The following NBAS variants were observed in gnomAD, a reference collection of about 807,000 sequenced individuals.
NBAS encodes the protein NBAS subunit of NRZ tethering complex, also known as NAG/BC035112 fusion.
In NBAS, 219 loss-of-function variants were observed where a neutral mutation model predicts 302.5. The ratio of observed to expected loss-of-function variants is 0.72; its 90% CI spans 0.65 to 0.81. The LOEUF (loss-of-function observed/expected upper bound fraction) is 0.81. Ranked by LOEUF, NBAS falls within the 30% of genes least tolerant of loss-of-function variation. The pLI is 0.00. For missense variants in NBAS, 2,932 were observed against 2,841.6 expected, an observed-to-expected ratio of 1.03 and a Z score of -0.72; for synonymous variants, 1,118 against 1,021.6, an observed-to-expected ratio of 1.09 and a Z score of -1.80.
chr2:15,238,487 G>A lies in NBAS; in HGVS notation c.5924C>T (p.Ser1975Phe). Reference sequence around the variant, plus strand: ...CTTTACCTGCTCACTATTCTTCAGAGAAAGGATGAAGCTGTGGCTCAGGGT... The same window carrying A: ...CTTTACCTGCTCACTATTCTTCAGAAAAAGGATGAAGCTGTGGCTCAGGGT... ...LETLSHSFILSLKNSEQETLQ... is the reference protein window; with the variant it reads ...LETLSHSFILFLKNSEQETLQ... The change falls in exon 45 of 52, where the codon TCT (serine) becomes TTT (phenylalanine). Residue 1975 changes from serine (S) to phenylalanine (F), a missense_variant. Transcript: ENST00000281513. 3 of 1,614,176 alleles carry A rather than the reference G, an allele frequency of 1.9e-6. No homozygotes were observed. The highest frequency in any genetic ancestry group is 1.7e-5 in the Admixed American group (1 of 60,026).
At chr2:15,364,150 C>G (rs917831101) in intron 32 of NBAS, among the ~76,000 whole-genome samples, 9 of 152,186 alleles carry the variant, frequency 5.9e-5, no homozygotes, top group Non-Finnish European at 1.3e-4. Flanking sequence ...TAAATATTCC[C>G]CTTGAAGTTG....
chr2:14,848,547 A>T, the NBAS span, among the ~76,000 whole-genome samples: 1 of 141,278 alleles, frequency 7.1e-6, no homozygotes, highest in Non-Finnish European at 1.5e-5. Context: ...CAAAGCGGCC[A>T]GGAAGCTTGA....
chr2:15,335,174 TAA>T lies in NBAS; in HGVS notation c.4180-4411_4180-4410del, dbSNP rs34790746. On this transcript the variant is annotated intron_variant, in intron 35 of 51. Coordinates refer to ENST00000281513, the MANE Select transcript of NBAS (RefSeq NM_015909.4). ...CAATGCAATGGGACCTCATCTCTCTTAAAAAAAAAAAAAAAAAAAAAAAATTG... is the reference window on the plus strand; with the variant it reads ...CAATGCAATGGGACCTCATCTCTCTTAAAAAAAAAAAAAAAAAAAAAATTG... Among the ~76,000 whole-genome samples, 296 of 117,240 alleles carry T rather than the reference TAA, an allele frequency of 2.5e-3. 1 individual carries two copies. The highest frequency in any genetic ancestry group is 5.4e-3 in the African/African-American group (162 of 30,032). 76.9% of individuals were successfully genotyped at this position (117,240 alleles called of 152,430 possible).
Position 15,253,797 on chromosome 2 carries a change from C to T in NBAS, c.5725-15111G>A, listed in dbSNP as rs532450104. 2.6e-5 allele frequency among the ~76,000 whole-genome samples: 4 copies of T among 152,290 alleles called. No homozygotes were observed. The South Asian group carries it at 8.3e-4, about 32-fold the overall frequency. ...GACAATTCAGAATGCTGGTGTATAA[C>T]AGACTCCAATGGAGACCACCTTTGC... On this transcript the variant is annotated intron_variant, in intron 44 of 51. Coordinates refer to ENST00000281513, the MANE Select transcript of NBAS (RefSeq NM_015909.4).
chr2:15,100,769 G>A, the NBAS span, among the ~76,000 whole-genome samples: 111 of 152,122 alleles, frequency 7.3e-4, no homozygotes, highest in African/African-American at 2.6e-3. Context: ...TTCATGTATC[G>A]AAGAGCATTT....
intron 38 of NBAS, among the ~76,000 whole-genome samples, chr2:15,317,680 GA>G (rs1446157189): frequency 6.6e-6 from 1 of 152,112 alleles, no homozygotes; most frequent in African/African-American, 2.4e-5. Flanking sequence ...AATAAAGCAA[GA>G]AGACAAGGTT....
At chr2:15,013,278 T>C in the NBAS span, among the ~76,000 whole-genome samples, 1 of 152,154 alleles carries the variant, frequency 6.6e-6, no homozygotes, top group African/African-American at 2.4e-5. Context: ...TAAAACTCAC[T>C]GGTTTGTCCA....
the NBAS span, among the ~76,000 whole-genome samples, chr2:14,795,230 G>A: frequency 0.39 from 60,029 of 152,036 alleles, 12,327 homozygotes; most frequent in African/African-American, 0.5. Flanking sequence ...AGCAGTGTAA[G>A]ATAGTTACAG....
intron 44 of NBAS, 118 bp from the exon 45 acceptor site, chr2:15,238,804 A>G: frequency 1.2e-6 from 1 of 861,688 alleles, no homozygotes; most frequent in Non-Finnish European, 1.7e-6. Context: ...TTAACCAATA[A>G]ATAGCACTTG....
At chr2:14,844,702 G>A in the NBAS span, among the ~76,000 whole-genome samples, 1 of 152,148 alleles carries the variant, frequency 6.6e-6, no homozygotes, top group Non-Finnish European at 1.5e-5. Flanking sequence ...AGACCAGGCA[G>A]CATTCACTAC....
At chr2:15,002,502 G>A in the NBAS span, among the ~76,000 whole-genome samples, 25 of 152,212 alleles carry the variant, frequency 1.6e-4, no homozygotes, top group Non-Finnish European at 3.4e-4. Context: ...GACTGCAGGT[G>A]GAGCTGCCTG....
intron 8 of NBAS, among the ~76,000 whole-genome samples, chr2:15,535,941 G>C (rs1050363480): frequency 4.6e-5 from 7 of 152,200 alleles, no homozygotes; most frequent in Non-Finnish European, 1.0e-4. Context: ...CTCGGAAGGG[G>C]CATGAGGGAA....
chr2:14,797,215 C>T, the NBAS span, among the ~76,000 whole-genome samples: 8 of 152,158 alleles, frequency 5.3e-5, no homozygotes, highest in Non-Finnish European at 4.4e-5. Flanking sequence ...GACCCCTCTC[C>T]GCTGAGAGAT....
At chr2:15,358,186 C>A (rs996848850) in intron 32 of NBAS, among the ~76,000 whole-genome samples, 1 of 152,078 alleles carries the variant, frequency 6.6e-6, no homozygotes, top group Non-Finnish European at 1.5e-5. Flanking sequence ...CACTCACCTG[C>A]GCTGCCCAGC....
the NBAS span, among the ~76,000 whole-genome samples, chr2:15,049,796 C>T: frequency 6.6e-6 from 1 of 152,172 alleles, no homozygotes; most frequent in South Asian, 2.1e-4. Context: ...AGCCACTGAG[C>T]CAGGGGAGCT....
At chr2:15,288,352 G>A (rs140779920) in intron 41 of NBAS, among the ~76,000 whole-genome samples, 598 of 152,270 alleles carry the variant, frequency 3.9e-3, no homozygotes, top group Middle Eastern at 0.014. Flanking sequence ...GAAGCTCCAC[G>A]AGAATGGAAA....
At chr2:15,126,284 G>A in the NBAS span, among the ~76,000 whole-genome samples, 1 of 152,162 alleles carries the variant, frequency 6.6e-6, no homozygotes, top group African/African-American at 2.4e-5. Context: ...CAAAGCAGTT[G>A]CCAGCACCAT....
the NBAS span, among the ~76,000 whole-genome samples, chr2:15,143,291 A>C: frequency 5.1e-3 from 779 of 152,314 alleles, 6 homozygotes; most frequent in African/African-American, 0.017. Context: ...GTGGTCCTGC[A>C]GCAAGTCCGC....
chr2:15,000,590 T>A, the NBAS span, among the ~76,000 whole-genome samples: 4 of 152,228 alleles, frequency 2.6e-5, no homozygotes, highest in Non-Finnish European at 4.4e-5. Context: ...GCCTACCTCC[T>A]GTGGACTCAG....
Sources: gnomAD v4.1 joint callset for allele counts (sites outside exome capture counted in the v4.1 genomes callset) on GRCh38, gnomAD v4.1.1 for gene constraint, MANE v1.5 for transcripts, NCBI Gene and HGNC (gene_info 2026-07-23, HGNC 2026-07-21) for gene names.